UBE3A: variants seen among roughly 807,000 people sequenced by gnomAD.
UBE3A encodes the protein ubiquitin-protein ligase E3A.
In UBE3A, 6 loss-of-function variants were observed where a neutral mutation model predicts 83.4. That is an observed-to-expected ratio of 0.07 (90% CI 0.04 to 0.14). The LOEUF is 0.14. Ranked by LOEUF, UBE3A falls within the 10% of genes least tolerant of loss-of-function variation. UBE3A has a pLI of 1.00. For synonymous variants in UBE3A, 337 were observed against 355.4 expected, an observed-to-expected ratio of 0.95 and a Z score of 0.58; for missense variants, 456 against 1,036.1, an observed-to-expected ratio of 0.44 and a Z score of 7.69.
intron 11 of UBE3A, among the ~76,000 whole-genome samples, chr15:25,351,853 A>C (rs547569577): frequency 6.6e-6 from 1 of 152,314 alleles, no homozygotes; most frequent in East Asian, 1.9e-4. Context: ...CAGGGATTGC[A>C]CGTTTTTTTG....
intron 6 of UBE3A, among the ~76,000 whole-genome samples, chr15:25,367,282 TA>T (rs1566942604): frequency 6.8e-6 from 1 of 146,906 alleles, no homozygotes; most frequent in African/African-American, 2.6e-5. Flanking sequence ...TTTACATATT[TA>T]AATTAAATTA....
chr15:25,369,266 C>T (rs899244300), intron 6 of UBE3A, among the ~76,000 whole-genome samples: 1 of 151,330 alleles, frequency 6.6e-6, no homozygotes, highest in Non-Finnish European at 1.5e-5. Context: ...GCAGTTAAAG[C>T]CCCCTTTTGT....
chr15:25,348,794 G>C (rs1006620298), intron 11 of UBE3A, among the ~76,000 whole-genome samples: 2 of 152,140 alleles, frequency 1.3e-5, no homozygotes, highest in Non-Finnish European at 2.9e-5. Flanking sequence ...AAACAGTGCT[G>C]AGATAAACTA....
At chr15:25,421,453 G>A (rs1432319564) in intron 1 of UBE3A, among the ~76,000 whole-genome samples, 1 of 152,212 alleles carries the variant, frequency 6.6e-6, no homozygotes, top group African/African-American at 2.4e-5. Context: ...TAAATGAAAT[G>A]TGCCAGACAC....
At chr15:25,415,931 C>A (rs968460403) in intron 1 of UBE3A, 2 of 149,122 alleles carry the variant, frequency 1.3e-5, no homozygotes, top group South Asian at 4.3e-4. Context: ...AACAAAGATA[C>A]CATTTCTTCC....
intron 4 of UBE3A, among the ~76,000 whole-genome samples, chr15:25,399,678 C>T (rs977133524): frequency 4.6e-5 from 7 of 152,126 alleles, no homozygotes; most frequent in Non-Finnish European, 7.3e-5. Context: ...AAGCAATCCT[C>T]CTTCTTCAGC....
At chr15:25,350,893 T>C (rs919026708) in intron 11 of UBE3A, among the ~76,000 whole-genome samples, 11 of 152,204 alleles carry the variant, frequency 7.2e-5, no homozygotes, top group African/African-American at 1.4e-4. Flanking sequence ...AGGACAGTTA[T>C]TGTCTGTTCT....
chr15:25,433,003 AT>A (rs1469790672), intron 1 of UBE3A, among the ~76,000 whole-genome samples: 1 of 152,150 alleles, frequency 6.6e-6, no homozygotes, highest in Non-Finnish European at 1.5e-5. Context: ...CAATCTTATG[AT>A]TCACTTGCCA....
At chr15:25,386,986 G>A (rs535447214) in intron 4 of UBE3A, among the ~76,000 whole-genome samples, 1 of 152,224 alleles carries the variant, frequency 6.6e-6, no homozygotes, top group African/African-American at 2.4e-5. Context: ...AGGAAACACT[G>A]AAAGTAAAAT....
chr15:25,410,084 G>A (rs1284559083), intron 2 of UBE3A, among the ~76,000 whole-genome samples: 3 of 152,020 alleles, frequency 2.0e-5, no homozygotes, highest in African/African-American at 7.3e-5. Context: ...CATGGCACAT[G>A]TATACATATG....
chr15:25,384,978 C>T (rs1286695695), intron 4 of UBE3A, among the ~76,000 whole-genome samples: 1 of 152,180 alleles, frequency 6.6e-6, no homozygotes, highest in Admixed American at 6.5e-5. Context: ...CAGACCTAAA[C>T]TTAAAACATC....
intron 12 of UBE3A, chr15:25,339,672 G>C (rs1396519504): frequency 3.3e-6 from 1 of 298,806 alleles, no homozygotes; most frequent in African/African-American, 2.2e-5. Context: ...CAAAGTGTGT[G>C]CTCTTAAATG....
chr15:25,411,660 A>G (rs2090029888), intron 2 of UBE3A, among the ~76,000 whole-genome samples: 1 of 152,218 alleles, frequency 6.6e-6, no homozygotes, highest in Non-Finnish European at 1.5e-5. Context: ...CTCATAGCCC[A>G]AAATCCAAAC....
chr15:25,422,074 C>G (rs1889978143), intron 1 of UBE3A: 1 of 152,092 alleles, frequency 6.6e-6, no homozygotes, highest in Non-Finnish European at 1.5e-5. Flanking sequence ...AATGAATGAA[C>G]TGTGGTATAG....
chr15:25,429,376 T>A lies in UBE3A; in HGVS notation c.-165+9113A>T, dbSNP rs531953704. Among the ~76,000 whole-genome samples the A allele has an allele frequency of 7.2e-5, 11 of 152,294 alleles. 1 individual carries two copies. The highest frequency in any genetic ancestry group is 3.4e-3 in the Middle Eastern group (1 of 294). On this transcript the variant is annotated intron_variant, in intron 1 of 12. Coordinates refer to ENST00000648336, the MANE Select transcript of UBE3A (RefSeq NM_130839.5). The stretch of plus-strand genomic sequence containing the variant: ...TCCAGGTGGTGGATAAATAGGCACT[T>A]GCTATGTCATTTTCTGGATGTTTTA...
At chr15:25,340,862 T>G (rs1384767502) in intron 11 of UBE3A, among the ~76,000 whole-genome samples, 3 of 152,338 alleles carry the variant, frequency 2.0e-5, no homozygotes, top group East Asian at 1.9e-4. Flanking sequence ...AGGAGAATTA[T>G]TCTGACATTT....
intron 9 of UBE3A, 88 bp downstream of exon 9, chr15:25,355,804 A>G (rs993700636): frequency 3.9e-6 from 5 of 1,272,840 alleles, no homozygotes; most frequent in Admixed American, 4.0e-5. Context: ...TGTACAGACT[A>G]TATTAGATAC....
At chr15:25,358,502 A>G (rs2077553077) in intron 7 of UBE3A, among the ~76,000 whole-genome samples, 1 of 152,224 alleles carries the variant, frequency 6.6e-6, no homozygotes, top group Non-Finnish European at 1.5e-5. Context: ...AATTTAAATC[A>G]TTTTACTACA....
At position 25,336,378 on chromosome 15, in the gene UBE3A, C is replaced by T. The variant is rs529119390; in HGVS notation, c.*2759G>A. On this transcript the variant is annotated 3_prime_UTR_variant, in exon 13 of 13. Coordinates refer to ENST00000648336, the MANE Select transcript of UBE3A (RefSeq NM_130839.5). The stretch of plus-strand genomic sequence containing the variant: ...TTCCTCTGACAGTTTGTATGGAATT[C>T]TTGAGAAAAATTCCTCGAAGGGGCC... 1 of 152,276 alleles carries T rather than the reference C, an allele frequency of 6.6e-6. No individual in the cohort carries two copies. The highest frequency in any genetic ancestry group is 1.9e-4 in the East Asian group (1 of 5,168). 9.4% of individuals were successfully genotyped at this position (152,276 alleles called of 1,614,324 possible).
Sources: gnomAD v4.1 joint callset for allele counts (sites outside exome capture counted in the v4.1 genomes callset) on GRCh38, gnomAD v4.1.1 for gene constraint, MANE v1.5 for transcripts, NCBI Gene and HGNC (gene_info 2026-07-23, HGNC 2026-07-21) for gene names.